The following MMP16 variants were observed in gnomAD, a reference collection of about 807,000 sequenced individuals.
The protein encoded by MMP16 is matrix metallopeptidase 16.
A neutral mutation model predicts 67.8 loss-of-function variants in MMP16; 12 were observed. The observed-to-expected ratio is 0.18, with a 90% CI of 0.11 to 0.29. The LOEUF is 0.29. Among genes scored for constraint, MMP16 ranks in the 10% least tolerant of loss-of-function variants. MMP16 has a pLI of 1.00. For missense variants in MMP16, 475 were observed against 765.7 expected (o/e 0.62, Z 4.48); for synonymous variants, 249 against 255.9 (o/e 0.97, Z 0.26).
chr8:88,279,220 C>CAAA (rs767410219), intron 1 of MMP16, among the ~76,000 whole-genome samples: 4 of 94,426 alleles, frequency 4.2e-5, no homozygotes, highest in Admixed American at 2.4e-4. Context: ...GACTCTGTCT[C>CAAA]AAAAAAAAAA....
intron 6 of MMP16, among the ~76,000 whole-genome samples, chr8:88,107,317 G>T (rs1809259533): frequency 6.6e-6 from 1 of 150,804 alleles, no homozygotes; most frequent in Non-Finnish European, 1.5e-5. Flanking sequence ...TCTTATAAAT[G>T]AATATCATAA....
At chr8:88,132,419 G>A (rs1808046707) in intron 4 of MMP16, among the ~76,000 whole-genome samples, 1 of 151,848 alleles carries the variant, frequency 6.6e-6, no homozygotes, top group South Asian at 2.1e-4. Flanking sequence ...GGTTGTTCAA[G>A]ATCAGATTTT....
intron 6 of MMP16, among the ~76,000 whole-genome samples, chr8:88,112,675 G>GTGTGTGTGTGTGTC (rs774333204): frequency 5.4e-5 from 8 of 148,738 alleles, no homozygotes; most frequent in African/African-American, 1.8e-4. Flanking sequence ...GGGTGTGTGT[G>GTGTGTGTGTGTGTC]TGTGTGTGTC....
intron 1 of MMP16, among the ~76,000 whole-genome samples, chr8:88,216,453 C>A (rs1809595625): frequency 6.6e-6 from 1 of 152,114 alleles, no homozygotes; most frequent in Admixed American, 6.6e-5. Context: ...CACATCAATA[C>A]ATTATCATTT....
At chr8:88,101,138 A>T (rs28649476) in intron 6 of MMP16, among the ~76,000 whole-genome samples, 29,189 of 151,874 alleles carry the variant, frequency 0.19, 3,391 homozygotes, top group Non-Finnish European at 0.27. Context: ...AAAATAAAAT[A>T]AAAATTAAAA....
At chr8:88,249,942 T>C (rs1275260452) in intron 1 of MMP16, among the ~76,000 whole-genome samples, 1 of 152,122 alleles carries the variant, frequency 6.6e-6, no homozygotes, top group African/African-American at 2.4e-5. Context: ...GAATTTTATG[T>C]AATGTTCCTA....
At chr8:88,165,867 T>A (rs895224597) in intron 4 of MMP16, among the ~76,000 whole-genome samples, 10 of 152,076 alleles carry the variant, frequency 6.6e-5, no homozygotes, top group Non-Finnish European at 8.8e-5. Flanking sequence ...GCCTCCAAAG[T>A]TTTTGGCTTT....
chr8:88,160,524 A>C (rs1328263318), intron 4 of MMP16, among the ~76,000 whole-genome samples: 1 of 152,112 alleles, frequency 6.6e-6, no homozygotes, highest in Non-Finnish European at 1.5e-5. Context: ...CAAAAAACAC[A>C]TGAAAAAATG....
intron 4 of MMP16, among the ~76,000 whole-genome samples, chr8:88,160,945 T>G (rs930425494): frequency 2.6e-5 from 4 of 152,196 alleles, no homozygotes; most frequent in African/African-American, 7.2e-5. Flanking sequence ...TGGATTAGGT[T>G]TGCCAGTATT....
At chr8:88,176,611 C>CA (rs2129726535) in intron 3 of MMP16, among the ~76,000 whole-genome samples, 2 of 152,266 alleles carry the variant, frequency 1.3e-5, no homozygotes, top group East Asian at 3.9e-4. Context: ...GGTATGAACT[C>CA]ACTCTCATTG....
rs919442496 is a variant in MMP16, at chr8:88,032,785, C to G, written c.*8676G>C. 1.4e-4 allele frequency: 21 copies of G among 152,010 alleles called. No individual in the cohort carries two copies. Among genetic ancestry groups the G allele is most frequent in the Admixed American group, 1.0e-3 (16 of 15,240 alleles). The allele number at this position is 152,010 out of a possible 1,614,324, so 9.4% of individuals were successfully genotyped here. ...AAAAACATCACTACAACTTGCACAC[C>G]TTAAAACTCATTCAGCAAATAAATG... is the stretch of plus-strand genomic sequence containing the variant. On this transcript the variant is annotated 3_prime_UTR_variant, in exon 10 of 10. Coordinates refer to ENST00000286614, the MANE Select transcript of MMP16 (RefSeq NM_005941.5).
chr8:88,157,868 G>A (rs1283745536), intron 4 of MMP16, among the ~76,000 whole-genome samples: 1 of 130,382 alleles, frequency 7.7e-6, no homozygotes. Flanking sequence ...TCCCCTTCCT[G>A]TGTCCAAGTG....
intron 1 of MMP16, among the ~76,000 whole-genome samples, chr8:88,286,804 C>T (rs1338520697): frequency 1.3e-5 from 2 of 152,016 alleles, no homozygotes; most frequent in African/African-American, 4.8e-5. Flanking sequence ...ATCTCCTGAC[C>T]TCGTGATCTG....
intron 1 of MMP16, among the ~76,000 whole-genome samples, chr8:88,326,322 C>T (rs1811536762): frequency 6.6e-6 from 1 of 152,166 alleles, no homozygotes; most frequent in African/African-American, 2.4e-5. Flanking sequence ...TTGCTTTGTG[C>T]CGTCTGTTCC....
At chr8:88,207,900 C>CA (rs1809454155) in intron 1 of MMP16, among the ~76,000 whole-genome samples, 1 of 152,136 alleles carries the variant, frequency 6.6e-6, no homozygotes, top group Admixed American at 6.6e-5. Flanking sequence ...GAAGTCATTA[C>CA]ATGCCAAAAT....
chr8:88,137,938 T>C (rs747397504), intron 4 of MMP16, among the ~76,000 whole-genome samples: 4 of 152,058 alleles, frequency 2.6e-5, no homozygotes, highest in African/African-American at 4.8e-5. Context: ...ATTTCAGTTA[T>C]TGTATATTTT....
chr8:88,233,601 C>G (rs990515086), intron 1 of MMP16, among the ~76,000 whole-genome samples: 2 of 152,182 alleles, frequency 1.3e-5, no homozygotes, highest in African/African-American at 4.8e-5. Flanking sequence ...TCCAAGAGCA[C>G]ATTCTTTCTG....
intron 4 of MMP16, among the ~76,000 whole-genome samples, chr8:88,129,525 T>C (rs1396673655): frequency 6.6e-6 from 1 of 151,584 alleles, no homozygotes; most frequent in Non-Finnish European, 1.5e-5. Flanking sequence ...CCTGATCATT[T>C]CCCTGTGTTC....
chr8:88,117,986 G>A (rs888314667), intron 5 of MMP16, among the ~76,000 whole-genome samples: 9 of 152,040 alleles, frequency 5.9e-5, no homozygotes, highest in Middle Eastern at 6.8e-3. Flanking sequence ...TCTTTATAAA[G>A]GTCAATGGTT....
Sources: gnomAD v4.1 joint callset for allele counts (sites outside exome capture counted in the v4.1 genomes callset) on GRCh38, gnomAD v4.1.1 for gene constraint, MANE v1.5 for transcripts, NCBI Gene and HGNC (gene_info 2026-07-23, HGNC 2026-07-21) for gene names.